Variants in INSL6 observed in about 807,000 individuals in gnomAD.
The protein encoded by INSL6 is insulin-like peptide INSL6.
In INSL6, 16 loss-of-function variants were observed where a neutral mutation model predicts 9.4. The ratio of observed to expected loss-of-function variants is 1.70; its 90% CI spans 1.15 to 2.59. The LOEUF is 2.59. Among genes scored for constraint, INSL6 ranks in the 30% most tolerant of loss-of-function variants. INSL6 has a pLI of 0.00. For synonymous variants in INSL6, 154 were observed against 96.9 expected (o/e 1.59, Z -3.46); for missense variants, 391 against 257.3 (o/e 1.52, Z -3.56).
At chr9:5,147,525 G>A (rs1005396741) in intron 2 of INSL6, among the ~76,000 whole-genome samples, 2 of 152,208 alleles carry the variant, frequency 1.3e-5, no homozygotes, top group Non-Finnish European at 2.9e-5. Flanking sequence ...CCCAGGCCTG[G>A]AAGACTGCCT....
chr9:5,007,434 T>G, the INSL6 span, among the ~76,000 whole-genome samples: 5 of 152,114 alleles, frequency 3.3e-5, no homozygotes, highest in African/African-American at 7.2e-5. Context: ...ATATTTTCCA[T>G]AAGAGATTTT....
At chr9:5,085,515 A>C in the INSL6 span, 1 of 717,868 alleles carries the variant, frequency 1.4e-6, no homozygotes, top group Non-Finnish European at 2.6e-6. Context: ...GAAGAAATTC[A>C]CCACACACCA....
the INSL6 span, among the ~76,000 whole-genome samples, chr9:5,009,821 A>G: frequency 6.6e-6 from 1 of 151,216 alleles, no homozygotes; most frequent in Non-Finnish European, 1.5e-5. Flanking sequence ...CCCAGGCTGG[A>G]GTGAAGTGGT....
At chr9:5,042,560 C>T in the INSL6 span, among the ~76,000 whole-genome samples, 1 of 152,062 alleles carries the variant, frequency 6.6e-6, no homozygotes, top group Non-Finnish European at 1.5e-5. Context: ...CATTACTTTG[C>T]TGAAGTGAGT....
rs142180831 is a variant in INSL6 at position 5,179,522 on chromosome 9, C to A, written c.289+5792G>T. On this transcript the variant is annotated intron_variant, in intron 1 of 1. Coordinates refer to ENST00000381641, the MANE Select transcript of INSL6 (RefSeq NM_007179.3). Reference sequence around the variant, plus strand: ...TATACCCAAAGGAATGTAAATCATTCTGTTATAAAGATACATGCAAGCATA... The same window carrying A: ...TATACCCAAAGGAATGTAAATCATTATGTTATAAAGATACATGCAAGCATA... Among the ~76,000 whole-genome samples, 869 of 152,310 alleles carry A rather than the reference C, an allele frequency of 5.7e-3. 4 individuals carry two copies. Among genetic ancestry groups the A allele is most frequent in the African/African-American group, 0.019 (799 of 41,558 alleles).
At chr9:5,082,252 G>A in the INSL6 span, among the ~76,000 whole-genome samples, 1 of 152,210 alleles carries the variant, frequency 6.6e-6, no homozygotes, top group East Asian at 1.9e-4. Flanking sequence ...GAATGCGGCA[G>A]GAGAGCAGGG....
the INSL6 span, among the ~76,000 whole-genome samples, chr9:5,115,619 T>C: frequency 2.0e-5 from 3 of 152,270 alleles, no homozygotes; most frequent in Admixed American, 6.5e-5. Context: ...CATGTATGTT[T>C]ATTGTGGCAC....
At chr9:5,127,428 A>G (rs1043961650) in intron 3 of INSL6, 2 of 231,668 alleles carry the variant, frequency 8.6e-6, no homozygotes, top group Non-Finnish European at 1.7e-5. Context: ...ACATAAAGGG[A>G]ACAAATGTCT....
chr9:5,073,358 G>A, the INSL6 span, among the ~76,000 whole-genome samples: 1 of 152,134 alleles, frequency 6.6e-6, no homozygotes, highest in Non-Finnish European at 1.5e-5. Flanking sequence ...ATCTACCTCA[G>A]TTTCCTATAT....
the INSL6 span, among the ~76,000 whole-genome samples, chr9:5,079,224 C>A: frequency 6.6e-6 from 1 of 152,136 alleles, no homozygotes; most frequent in South Asian, 2.1e-4. Context: ...CCTTTGGAAT[C>A]GGAAGTGAAG....
chr9:5,046,580 C>T, the INSL6 span, among the ~76,000 whole-genome samples: 4 of 152,246 alleles, frequency 2.6e-5, no homozygotes, highest in South Asian at 2.1e-4. Context: ...TTTTGTCTAT[C>T]GTGAAGGTAA....
chr9:5,148,104 G>A (rs181479069), intron 2 of INSL6, among the ~76,000 whole-genome samples: 18 of 152,246 alleles, frequency 1.2e-4, no homozygotes, highest in Non-Finnish European at 2.2e-4. Flanking sequence ...GGAGGTTAAG[G>A]GGATACTATT....
At chr9:4,999,015 C>T in the INSL6 span, among the ~76,000 whole-genome samples, 1 of 151,788 alleles carries the variant, frequency 6.6e-6, no homozygotes, top group Non-Finnish European at 1.5e-5. Context: ...TCAGTAGAGA[C>T]GGGGTTTCAC....
At chr9:5,035,272 A>C in the INSL6 span, among the ~76,000 whole-genome samples, 1 of 152,376 alleles carries the variant, frequency 6.6e-6, no homozygotes, top group Admixed American at 6.5e-5. Flanking sequence ...GTCCAGGACC[A>C]GATGGATTCA....
At chr9:5,075,803 G>C in the INSL6 span, among the ~76,000 whole-genome samples, 2 of 152,140 alleles carry the variant, frequency 1.3e-5, no homozygotes, top group African/African-American at 4.8e-5. Flanking sequence ...ATTTTGTAAG[G>C]CTAAGCTGCC....
intron 1 of INSL6, among the ~76,000 whole-genome samples, chr9:5,177,027 C>A: frequency 6.6e-6 from 1 of 152,236 alleles, no homozygotes; most frequent in South Asian, 2.1e-4. Context: ...TAAGTAATTT[C>A]ATGACTTTGA....
the INSL6 span, chr9:5,029,847 A>G: frequency 6.2e-7 from 1 of 1,611,960 alleles, no homozygotes; most frequent in Non-Finnish European, 8.5e-7. Context: ...TCTGGTATCC[A>G]CCCAACCATG....
At chr9:5,150,064 A>G (rs1441209333) in intron 2 of INSL6, among the ~76,000 whole-genome samples, 2 of 152,190 alleles carry the variant, frequency 1.3e-5, no homozygotes, top group Non-Finnish European at 1.5e-5. Context: ...ATCAATCTGG[A>G]CTCATCTCTC....
intron 1 of INSL6, among the ~76,000 whole-genome samples, chr9:5,165,465 C>T (rs1825030810): frequency 6.6e-6 from 1 of 152,158 alleles, no homozygotes; most frequent in South Asian, 2.1e-4. Context: ...TTGATTATCA[C>T]CATGGATGCA....
Sources: gnomAD v4.1 joint callset for allele counts (sites outside exome capture counted in the v4.1 genomes callset) on GRCh38, gnomAD v4.1.1 for gene constraint, MANE v1.5 for transcripts, NCBI Gene and HGNC (gene_info 2026-07-23, HGNC 2026-07-21) for gene names.